The following COG5 variants were observed in gnomAD, a reference collection of about 807,000 sequenced individuals.
COG5 encodes the protein conserved oligomeric Golgi complex subunit 5.
A neutral mutation model predicts 110.4 loss-of-function variants in COG5; 86 were observed. That is an observed-to-expected ratio of 0.78 (90% CI 0.65 to 0.93). The LOEUF is 0.93. Ranked by LOEUF, COG5 falls within the 40% of genes least tolerant of loss-of-function variation. The pLI is 0.00. For synonymous variants in COG5, 360 were observed against 334.6 expected (o/e 1.08, Z -0.83); for missense variants, 1,077 against 987.0 (o/e 1.09, Z -1.22).
intron 6 of COG5, among the ~76,000 whole-genome samples, chr7:107,497,718 C>T (rs935216035): frequency 1.3e-5 from 2 of 152,056 alleles, no homozygotes; most frequent in Non-Finnish European, 2.9e-5. Context: ...CCCTACTATT[C>T]AAAGTGGTCT....
intron 6 of COG5, among the ~76,000 whole-genome samples, chr7:107,419,105 A>T (rs1014408937): frequency 6.6e-6 from 1 of 152,150 alleles, no homozygotes; most frequent in Non-Finnish European, 1.5e-5. Context: ...TTTAAAGACA[A>T]TTTTTCACAT....
intron 21 of COG5, among the ~76,000 whole-genome samples, chr7:107,207,186 A>G: frequency 6.6e-6 from 1 of 152,266 alleles, no homozygotes; most frequent in East Asian, 1.9e-4. Flanking sequence ...TAAGCAGTTA[A>G]GCCCAGGCTT....
intron 6 of COG5, among the ~76,000 whole-genome samples, chr7:107,466,492 C>T (rs1403920432): frequency 6.6e-6 from 1 of 152,152 alleles, no homozygotes; most frequent in African/African-American, 2.4e-5. Flanking sequence ...GATTTTCTAT[C>T]TGTTAAGTGT....
chr7:107,506,259 T>A (rs749021342), intron 6 of COG5, among the ~76,000 whole-genome samples: 1 of 152,158 alleles, frequency 6.6e-6, no homozygotes, highest in Non-Finnish European at 1.5e-5. Context: ...CCAGCTGCAG[T>A]AGTTAACAGT....
chr7:107,553,412 T>C (rs921297776), intron 3 of COG5, among the ~76,000 whole-genome samples: 13 of 152,202 alleles, frequency 8.5e-5, no homozygotes, highest in Admixed American at 7.9e-4. Flanking sequence ...AGAAATATTG[T>C]ACATGCTGAG....
intron 19 of COG5, among the ~76,000 whole-genome samples, chr7:107,220,678 C>T (rs770805894): frequency 2.6e-5 from 4 of 152,178 alleles, no homozygotes; most frequent in Non-Finnish European, 5.9e-5. Context: ...AGGCTGCTCT[C>T]GTGTTTGAGC....
chr7:107,539,299 T>C (rs1020312988), intron 5 of COG5, among the ~76,000 whole-genome samples: 1 of 152,168 alleles, frequency 6.6e-6, no homozygotes, highest in African/African-American at 2.4e-5. Flanking sequence ...TGAAATGACA[T>C]GTTATTCAAG....
chr7:107,348,475 T>C (rs751533885), intron 10 of COG5, among the ~76,000 whole-genome samples: 1 of 152,218 alleles, frequency 6.6e-6, no homozygotes, highest in Non-Finnish European at 1.5e-5. Context: ...CTTTAAAGGC[T>C]ACAGGACTGT....
At chr7:107,313,357 G>T (rs1431627272) in intron 11 of COG5, among the ~76,000 whole-genome samples, 1 of 152,144 alleles carries the variant, frequency 6.6e-6, no homozygotes, top group Non-Finnish European at 1.5e-5. Context: ...AATGCCAGAG[G>T]AAGACAATAC....
intron 6 of COG5, among the ~76,000 whole-genome samples, chr7:107,456,152 C>T (rs1331730827): frequency 2.0e-5 from 3 of 152,112 alleles, no homozygotes; most frequent in Non-Finnish European, 4.4e-5. Flanking sequence ...CAGAATATTG[C>T]TAACCTATCG....
At chr7:107,525,204 G>A (rs187575230) in intron 6 of COG5, among the ~76,000 whole-genome samples, 20 of 151,056 alleles carry the variant, frequency 1.3e-4, no homozygotes, top group African/African-American at 4.9e-4. Flanking sequence ...GGGATTACAG[G>A]CGTGAGCCAC....
At chr7:107,225,912 A>T (rs940976634) in intron 19 of COG5, among the ~76,000 whole-genome samples, 1 of 152,066 alleles carries the variant, frequency 6.6e-6, no homozygotes, top group Non-Finnish European at 1.5e-5. Context: ...GCATGGTGGC[A>T]GGGGCCTGTA....
chr7:107,331,645 C>A (rs967414460), intron 10 of COG5, among the ~76,000 whole-genome samples: 1 of 151,928 alleles, frequency 6.6e-6, no homozygotes, highest in Non-Finnish European at 1.5e-5. Context: ...AAAACTGATA[C>A]AACTTGATGG....
chr7:107,562,264 G>A (rs1049272806), intron 1 of COG5, among the ~76,000 whole-genome samples: 4 of 152,160 alleles, frequency 2.6e-5, no homozygotes, highest in Non-Finnish European at 4.4e-5. Flanking sequence ...ACAGAAGGCA[G>A]AACTGAAGAG....
At chr7:107,235,194 G>A (rs940854079) in intron 18 of COG5, among the ~76,000 whole-genome samples, 1 of 152,164 alleles carries the variant, frequency 6.6e-6, no homozygotes, top group Admixed American at 6.5e-5. Flanking sequence ...GTCTGAGGGA[G>A]CACCTGACAA....
intron 5 of COG5, among the ~76,000 whole-genome samples, chr7:107,546,501 T>C (rs1353087675): frequency 1.4e-5 from 2 of 139,666 alleles, no homozygotes; most frequent in Non-Finnish European, 3.1e-5. Flanking sequence ...AATGGTGCAA[T>C]CTTGGCTCGC....
At chr7:107,238,896 G>A (rs184333687) in intron 17 of COG5, among the ~76,000 whole-genome samples, 29 of 152,170 alleles carry the variant, frequency 1.9e-4, no homozygotes, top group African/African-American at 5.3e-4. Context: ...GTTAATCCCC[G>A]TATCAGATGT....
intron 14 of COG5, among the ~76,000 whole-genome samples, chr7:107,276,350 C>G (rs1356907980): frequency 6.6e-6 from 1 of 152,146 alleles, no homozygotes; most frequent in Non-Finnish European, 1.5e-5. Flanking sequence ...TTTTAACACA[C>G]AGAGGATAAG....
chr7:107,215,673 A>C (rs1799472184), intron 19 of COG5, among the ~76,000 whole-genome samples: 3 of 152,048 alleles, frequency 2.0e-5, no homozygotes, highest in Admixed American at 6.5e-5. Flanking sequence ...TCAAACAAAC[A>C]AACAAACAAA....
Sources: allele counts gnomAD v4.1 joint callset (sites outside exome capture counted in the v4.1 genomes callset), GRCh38; gene constraint gnomAD v4.1.1; transcripts MANE v1.5; gene names NCBI Gene and HGNC (gene_info 2026-07-23, HGNC 2026-07-21).